Variants in LRIG1 observed in about 807,000 individuals in gnomAD.
LRIG1 encodes leucine rich repeats and immunoglobulin like domains 1.
In LRIG1, 48 loss-of-function variants were observed where a neutral mutation model predicts 99.2. That is an observed-to-expected ratio of 0.48 (90% CI 0.38 to 0.62). The LOEUF is 0.62. LRIG1 is among the 20% of genes least tolerant of loss of function. The pLI is 0.00. For synonymous variants in LRIG1, 772 were observed against 596.1 expected, an observed-to-expected ratio of 1.29 and a Z score of -4.30; for missense variants, 1,646 against 1,434.4, an observed-to-expected ratio of 1.15 and a Z score of -2.38.
At chr3:66,387,538 C>G (rs1701435594) in intron 12 of LRIG1, 1 of 152,106 alleles carries the variant, frequency 6.6e-6, no homozygotes, top group South Asian at 2.1e-4. Flanking sequence ...GGAAAAGTCA[C>G]TAGGCAAGCT....
intron 2 of LRIG1, among the ~76,000 whole-genome samples, chr3:66,454,767 C>T (rs765215189): frequency 1.3e-5 from 2 of 152,190 alleles, no homozygotes; most frequent in African/African-American, 4.8e-5. Flanking sequence ...GTAAGGTCAG[C>T]TTGGACCTTC....
intron 12 of LRIG1, among the ~76,000 whole-genome samples, chr3:66,388,900 C>T (rs539049617): frequency 6.0e-4 from 91 of 152,256 alleles, no homozygotes; most frequent in African/African-American, 2.0e-3. Flanking sequence ...CATCATATAG[C>T]AACTCCAATC....
chr3:66,414,933 T>G lies in LRIG1; in HGVS notation c.634A>C (p.Arg212=). Residue 212 remains arginine (R), a synonymous_variant, in exon 5 of 19, where the codon AGG becomes CGG. Coordinates refer to ENST00000273261, the MANE Select transcript of LRIG1 (RefSeq NM_015541.3). ...TTCTGTACTCACAGTTGTGTCAGCC[T>G]GGGTAGCTTGAATGCTCTTACAGGA... ...QLPVRAFKLP[R]LTQLDLNRNR... 6.2e-7 allele frequency: 1 copy of G among 1,605,042 alleles called. No homozygotes were observed. The highest frequency in any genetic ancestry group is 8.5e-7 in the Non-Finnish European group (1 of 1,176,454).
rs572641308 is a variant in LRIG1 at position 66,462,522 on chromosome 3, G to C, written c.219-13C>G. ...GTAACTCAGGTTTCTGGTAAAGACA[G>C]AGAGAGAAAAAAACGGAATCAACAA... On this transcript the variant is annotated splice_polypyrimidine_tract_variant and intron_variant, in intron 1 of 18. Coordinates refer to ENST00000273261, the MANE Select transcript of LRIG1 (RefSeq NM_015541.3). The C allele has an allele frequency of 3.8e-4, 601 of 1,600,244 alleles. 11 individuals carry two copies. In the South Asian group the frequency reaches 6.0e-3, roughly 16 times the overall value.
chr3:66,389,289 A>T (rs1701523095), intron 12 of LRIG1, among the ~76,000 whole-genome samples: 1 of 152,212 alleles, frequency 6.6e-6, no homozygotes, highest in Non-Finnish European at 1.5e-5. Context: ...TTCAATAAAA[A>T]AACTAGTCAG....
At position 66,500,474 on chromosome 3, in the gene LRIG1, G is replaced by C. The variant is rs1197096166; in HGVS notation, c.-67C>G. 2 of 995,636 alleles carry C rather than the reference G, an allele frequency of 2.0e-6. No individual in the cohort carries two copies. Among genetic ancestry groups the C allele is most frequent in the Non-Finnish European group, 2.7e-6 (2 of 749,910 alleles). The allele number at this position is 995,636 out of a possible 1,614,324, so 61.7% of individuals were successfully genotyped here. A position where few individuals can be genotyped will look rare whatever the true frequency, so the allele number is the denominator to read the frequency against. ...GAGGACCCGAACGGCCGCAGACGCG[G>C]GCGGGCCCGCGGGGCGCTCCGCTCG... On this transcript the variant is annotated 5_prime_UTR_variant, in exon 1 of 19. Transcript: ENST00000273261.
intron 4 of LRIG1, among the ~76,000 whole-genome samples, chr3:66,416,167 T>C (rs1575673745): frequency 6.6e-6 from 1 of 152,346 alleles, no homozygotes; most frequent in East Asian, 1.9e-4. Flanking sequence ...TTATGGTTTC[T>C]CTGTCCCAAG....
intron 2 of LRIG1, among the ~76,000 whole-genome samples, chr3:66,452,550 C>T (rs948283910): frequency 5.3e-5 from 8 of 152,140 alleles, no homozygotes; most frequent in African/African-American, 1.4e-4. Flanking sequence ...ATTGTACTTG[C>T]GATGCAAAGT....
chr3:66,425,705 G>C (rs779169162), intron 3 of LRIG1, among the ~76,000 whole-genome samples: 3 of 152,142 alleles, frequency 2.0e-5, no homozygotes, highest in Non-Finnish European at 4.4e-5. Context: ...ATGGGGACCG[G>C]GGGAAGTGTG....
chr3:66,458,656 C>T, intron 2 of LRIG1, among the ~76,000 whole-genome samples: 1 of 151,976 alleles, frequency 6.6e-6, no homozygotes, highest in Non-Finnish European at 1.5e-5. Flanking sequence ...GAGCTGAGGT[C>T]ACGCCACTGC....
At chr3:66,408,962 G>GTGTGTGTGTGTGTGT (rs1553715390) in intron 7 of LRIG1, among the ~76,000 whole-genome samples, 150 of 103,048 alleles carry the variant, frequency 1.5e-3, no homozygotes, top group East Asian at 7.9e-3. Flanking sequence ...GTGTGTGTGT[G>GTGTGTGTGTGTGTGT]GTGGGGGGAG....
chr3:66,472,516 A>G (rs989336968), intron 1 of LRIG1, among the ~76,000 whole-genome samples: 2 of 152,066 alleles, frequency 1.3e-5, no homozygotes, highest in African/African-American at 4.8e-5. Context: ...GTGATTTTAC[A>G]CACTACACGC....
At chr3:66,443,369 G>GGT (rs1559802026) in intron 3 of LRIG1, among the ~76,000 whole-genome samples, 1 of 147,898 alleles carries the variant, frequency 6.8e-6, no homozygotes, top group East Asian at 2.0e-4. Flanking sequence ...TGAGTGAGGG[G>GGT]GTGTGTGTGT....
chr3:66,479,635 C>T (rs1044756765), intron 1 of LRIG1, among the ~76,000 whole-genome samples: 8 of 152,174 alleles, frequency 5.3e-5, no homozygotes, highest in African/African-American at 1.9e-4. Context: ...GGCAAAGAAA[C>T]TGAATAGACA....
At chr3:66,405,169 C>A in intron 9 of LRIG1, 29 bp downstream of exon 9, 1 of 1,605,930 alleles carries the variant, frequency 6.2e-7, no homozygotes, top group Admixed American at 1.7e-5. Context: ...GCGCATTTGC[C>A]GGCGGAGCTC....
At chr3:66,402,932 C>G (rs761712431) in intron 9 of LRIG1, among the ~76,000 whole-genome samples, 16 of 152,154 alleles carry the variant, frequency 1.1e-4, no homozygotes, top group Non-Finnish European at 2.1e-4. Context: ...TCCTCTGTCC[C>G]TCCCTTCATT....
chr3:66,428,083 C>T lies in LRIG1; in HGVS notation c.366-10817G>A, dbSNP rs769636490. On this transcript the variant is annotated intron_variant, in intron 3 of 18. Transcript: ENST00000273261. ...CCAATTCAGGCTATTGCAAAAATCA[C>T]AGCTATGAACACGGACTTGTCTTCT... 4.1e-4 allele frequency among the ~76,000 whole-genome samples: 63 copies of T among 152,332 alleles called. 1 individual carries two copies. The highest frequency in any genetic ancestry group is 3.4e-3 in the Middle Eastern group (1 of 294).
In LRIG1 at chr3:66,380,130, G is replaced by A; in HGVS notation, c.*133C>T. On this transcript the variant is annotated 3_prime_UTR_variant, in exon 19 of 19. Transcript: ENST00000273261. ...ACTGTGCTTCAGATCCAAGTCCTGT[G>A]AGCGACTGATACTCCACATGGGAGT... is the stretch of plus-strand genomic sequence containing the variant. The A allele has an allele frequency of 4.3e-6, 3 of 693,558 alleles. No individual in the cohort carries two copies. The highest frequency in any genetic ancestry group is 2.4e-6 in the Non-Finnish European group (1 of 425,318). The allele number at this position is 693,558 out of a possible 1,614,324, so 43.0% of individuals were successfully genotyped here.
At position 66,379,430 on chromosome 3, in the gene LRIG1, TACCTTAATTTA is replaced by T. The variant is rs1700899941; in HGVS notation, c.*822_*832del. 6.6e-6 allele frequency: 1 copy of T among 152,188 alleles called. No homozygotes were observed. The highest frequency in any genetic ancestry group is 2.1e-4 in the South Asian group (1 of 4,824). The allele number at this position is 152,188 out of a possible 1,614,324, so 9.4% of individuals were successfully genotyped here. On this transcript the variant is annotated 3_prime_UTR_variant, in exon 19 of 19. Coordinates refer to ENST00000273261, the MANE Select transcript of LRIG1 (RefSeq NM_015541.3). ...CACAGGTACCAACACCAGCAGCCTT[TACCTTAATTTA>T]AAAGTCTCAAATAGCAATCGAATGA...
Sources: allele counts gnomAD v4.1 joint callset (sites outside exome capture counted in the v4.1 genomes callset), GRCh38; gene constraint gnomAD v4.1.1; transcripts MANE v1.5; gene names NCBI Gene and HGNC (gene_info 2026-07-23, HGNC 2026-07-21).